The following DOK7 variants were observed in gnomAD, a reference collection of about 807,000 sequenced individuals.
DOK7 encodes the protein docking protein 7, also known as protein Dok-7.
DOK7 carries 32 observed loss-of-function variants against 30.7 expected under a neutral mutation model. The observed-to-expected ratio is 1.04, with a 90% CI of 0.79 to 1.40. DOK7 has a LOEUF of 1.40. Among genes scored for constraint, DOK7 ranks in the 40% most tolerant of loss-of-function variants. The pLI, the probability that DOK7 is intolerant of heterozygous loss-of-function variation, is 0.00. For missense variants in DOK7, 1,007 were observed against 699.2 expected (o/e 1.44, Z -4.97); for synonymous variants, 447 against 324.1 (o/e 1.38, Z -4.07).
chr4:3,473,333 G>C, intron 2 of DOK7, 73 bp from the exon 3 acceptor site: 1 of 1,493,798 alleles, frequency 6.7e-7, no homozygotes, highest in South Asian at 1.2e-5. Flanking sequence ...GCACTGTCAC[G>C]GCCTCCCCGG....
downstream of DOK7, among the ~76,000 whole-genome samples, chr4:3,495,979 C>T (rs1391764911): frequency 6.6e-6 from 1 of 152,210 alleles, no homozygotes; most frequent in Non-Finnish European, 1.5e-5. Context: ...GTGCTAGGTG[C>T]TGAGCCCCCA....
intron 6 of DOK7, among the ~76,000 whole-genome samples, chr4:3,491,288 CCCCCCCGCTCATTCATTCCTGCCTTCT>C (rs1472889270): frequency 3.1e-5 from 2 of 64,264 alleles, no homozygotes; most frequent in African/African-American, 5.6e-5. Context: ...CCTTCCTCCG[CCCCCCCGCTCATTCATTCCTGCCTTCT>C]CCCCCTGCTC....
chr4:3,493,805 CTGTTGGCTCGTGCCTTGCACTGG>C lies in DOK7; in HGVS notation c.*305_*327del. 7.7e-7 allele frequency: 1 copy of C among 1,299,836 alleles called. No individual in the cohort carries two copies. The highest frequency in any genetic ancestry group is 9.8e-7 in the Non-Finnish European group (1 of 1,024,792). 80.5% of individuals were successfully genotyped at this position (1,299,836 alleles called of 1,614,324 possible). ...TGAGGATCAGGTGAGTGCTGCACCT[CTGTTGGCTCGTGCCTTGCACTGG>C]GGTGCCAAGGGCTGGAGGCCCTGCC... On this transcript the variant is annotated 3_prime_UTR_variant, in exon 7 of 7. Coordinates refer to ENST00000340083, the MANE Select transcript of DOK7 (RefSeq NM_173660.5).
chr4:3,490,025 C>CATTCCTTCCTTCTTCCTCCTACTCATTA (rs1297286243), intron 6 of DOK7, among the ~76,000 whole-genome samples: 1 of 140,780 alleles, frequency 7.1e-6, no homozygotes, highest in South Asian at 2.3e-4. Flanking sequence ...CCTGCTCATT[C>CATTCCTTCCTTCTTCCTCCTACTCATTA]ATTCCTTCCT....
At chr4:3,494,582 T>A (rs544895045), downstream of DOK7, 52 of 935,314 alleles carry the variant, frequency 5.6e-5, no homozygotes, top group South Asian at 2.2e-3. Context: ...CCGGCTTCCC[T>A]GGCCTTTATC....
At chr4:3,491,740 G>A (rs1260485011) in intron 6 of DOK7, among the ~76,000 whole-genome samples, 4 of 152,254 alleles carry the variant, frequency 2.6e-5, no homozygotes, top group Admixed American at 6.5e-5. Flanking sequence ...TAAGGCAGGT[G>A]AGCTGGCTGC....
downstream of DOK7, among the ~76,000 whole-genome samples, chr4:3,495,515 C>T (rs1217141579): frequency 2.6e-5 from 4 of 152,244 alleles, no homozygotes; most frequent in African/African-American, 9.6e-5. Flanking sequence ...GGGACATCTG[C>T]CTCTCCTCAC....
intron 4 of DOK7, among the ~76,000 whole-genome samples, chr4:3,476,979 G>A (rs550983994): frequency 3.3e-5 from 5 of 152,088 alleles, no homozygotes; most frequent in Non-Finnish European, 7.4e-5. Flanking sequence ...CCTGTGGGCC[G>A]CCCAGAGCTG....
rs369126360 is a variant in DOK7, at chr4:3,493,504, G to T, written c.*3G>T. ...TCAAGGTAAACCCCCCTCCTTGAGA[G>T]CCGCAGATCCCGCCCCGCGGCTGCA... is the stretch of plus-strand genomic sequence containing the variant. On this transcript the variant is annotated 3_prime_UTR_variant, in exon 7 of 7. Transcript: ENST00000340083. 1.9e-6 allele frequency: 3 copies of T among 1,610,656 alleles called. No homozygotes were observed. Among genetic ancestry groups the T allele is most frequent in the African/African-American group, 2.7e-5 (2 of 74,918 alleles).
At chr4:3,500,473 C>A (rs1167313085) in intron 7 of DOK7, 3 of 1,512,820 alleles carry the variant, frequency 2.0e-6, no homozygotes, top group Non-Finnish European at 2.6e-6. Flanking sequence ...GCCCTGAGCC[C>A]CCAGCCCCAC....
intron 4 of DOK7, among the ~76,000 whole-genome samples, chr4:3,480,728 G>A (rs1005568065): frequency 1.3e-5 from 2 of 152,262 alleles, no homozygotes; most frequent in Admixed American, 6.5e-5. Flanking sequence ...GCCTGCGGGG[G>A]CAGCCTGGAC....
intron 6 of DOK7, 46 bp from the exon 7 acceptor site, chr4:3,492,713 G>T: frequency 6.3e-7 from 1 of 1,587,998 alleles, no homozygotes; most frequent in South Asian, 1.1e-5. Context: ...GTCCTGCCCA[G>T]ACCCCTGTAC....
intron 5 of DOK7, among the ~76,000 whole-genome samples, chr4:3,487,144 A>C (rs1727860235): frequency 6.6e-6 from 1 of 152,182 alleles, no homozygotes; most frequent in Non-Finnish European, 1.5e-5. Flanking sequence ...GCTCTCAGAA[A>C]GCTCTGTTGT....
At chr4:3,499,421 G>C (rs967341407), downstream of DOK7, among the ~76,000 whole-genome samples, 3 of 152,208 alleles carry the variant, frequency 2.0e-5, no homozygotes, top group African/African-American at 7.2e-5. Flanking sequence ...AGAATGGGAG[G>C]AGGCACTGGA....
intron 5 of DOK7, among the ~76,000 whole-genome samples, chr4:3,488,278 C>T (rs571995877): frequency 1.5e-4 from 23 of 152,322 alleles, no homozygotes; most frequent in Middle Eastern, 6.8e-3. Flanking sequence ...TTCCTGGGCC[C>T]GGTGCTGTGA....
In DOK7 at chr4:3,500,824, G is replaced by A. The variant is rs923655056; in HGVS notation, c.1394G>A (p.Ter465=). 9 of 1,530,636 alleles carry A rather than the reference G, an allele frequency of 5.9e-6. No individual in the cohort carries two copies. The African/African-American group carries it at 1.2e-4, about 21-fold the overall frequency. The allele number at this position is 1,530,636 out of a possible 1,614,324, so 94.8% of individuals were successfully genotyped here. Residue 465 remains the stop codon, a stop_retained_variant, in exon 8 of 8, where the codon TGA becomes TAA. Coordinates refer to the DOK7 transcript ENST00000643608. The stretch of plus-strand genomic sequence containing the variant: ...GAGCAGAGGAAGGCAGCCCCGCAGT[G>A]AGGTCACAGCGCCAGGAGCTGACCG...
chr4:3,500,960 T>A, exon 8 of DOK7: 1 of 1,342,324 alleles, frequency 7.4e-7, no homozygotes, highest in Non-Finnish European at 9.8e-7. Context: ...ATGGCCGGTC[T>A]CCGGGCCATG....
rs1324546409 is a variant in DOK7 at position 3,491,229 on chromosome 4, G to C, written c.772+1433G>C. On this transcript the variant is annotated intron_variant, in intron 6 of 6. Coordinates refer to ENST00000340083, the MANE Select transcript of DOK7 (RefSeq NM_173660.5). Reference sequence around the variant, plus strand: ...CCCCTGCTCATTCCTTCCTTCTCCCGCTGCTCTTTCATTCCTTCTCCCCTT... The same window carrying C: ...CCCCTGCTCATTCCTTCCTTCTCCCCCTGCTCTTTCATTCCTTCTCCCCTT... Among the ~76,000 whole-genome samples the C allele has an allele frequency of 4.7e-4, 39 of 83,734 alleles. 1 individual carries two copies. The highest frequency in any genetic ancestry group is 1.8e-3 in the African/African-American group (36 of 19,474). 54.9% of individuals were successfully genotyped at this position (83,734 alleles called of 152,430 possible).
chr4:3,466,865 G>C (rs2109318829), intron 2 of DOK7, among the ~76,000 whole-genome samples: 1 of 152,348 alleles, frequency 6.6e-6, no homozygotes, highest in South Asian at 2.1e-4. Context: ...TCCAACACCT[G>C]TGCCGGGCAG....
Sources: allele counts gnomAD v4.1 joint callset (sites outside exome capture counted in the v4.1 genomes callset), GRCh38; gene constraint gnomAD v4.1.1; transcripts MANE v1.5; gene names NCBI Gene and HGNC (gene_info 2026-07-23, HGNC 2026-07-21).